CACHD1: variants seen among roughly 807,000 people sequenced by gnomAD.
CACHD1 encodes cache domain containing 1.
Under a neutral mutation model 138.7 loss-of-function variants are expected in CACHD1, and 71 were observed. The ratio of observed to expected loss-of-function variants is 0.51; its 90% CI spans 0.42 to 0.62. CACHD1 has a LOEUF of 0.62. Ranked by LOEUF, CACHD1 falls within the 20% of genes least tolerant of loss-of-function variation. The pLI, the probability that CACHD1 is intolerant of heterozygous loss-of-function variation, is 0.00. For synonymous variants in CACHD1, 578 were observed against 591.5 expected, an observed-to-expected ratio of 0.98 and a Z score of 0.33; for missense variants, 1,389 against 1,625.3, an observed-to-expected ratio of 0.85 and a Z score of 2.50.
At chr1:64,663,247 G>T (rs1350441178) in intron 13 of CACHD1, among the ~76,000 whole-genome samples, 1 of 146,874 alleles carries the variant, frequency 6.8e-6, no homozygotes, top group African/African-American at 2.5e-5. Flanking sequence ...GGGAGAGAAT[G>T]TGGCCCTTTA....
At chr1:64,548,321 C>G (rs1018257083) in intron 1 of CACHD1, among the ~76,000 whole-genome samples, 3 of 152,074 alleles carry the variant, frequency 2.0e-5, no homozygotes, top group Non-Finnish European at 2.9e-5. Flanking sequence ...ATATCACTGC[C>G]AGAAAGGAAA....
intron 24 of CACHD1, 51 bp downstream of exon 24, chr1:64,679,807 C>T (rs1650112895): frequency 1.3e-6 from 2 of 1,596,276 alleles, no homozygotes; most frequent in Admixed American, 1.7e-5. Flanking sequence ...GCTAGAAGGA[C>T]AGTGGCGGGT....
At chr1:64,483,683 A>G (rs964907263) in intron 1 of CACHD1, among the ~76,000 whole-genome samples, 1 of 114,620 alleles carries the variant, frequency 8.7e-6, no homozygotes, top group Non-Finnish European at 1.6e-5. Flanking sequence ...GTCTCTACCA[A>G]AAAAAAAAAA....
intron 2 of CACHD1, among the ~76,000 whole-genome samples, chr1:64,561,114 A>T (rs1369914123): frequency 6.6e-6 from 1 of 151,526 alleles, no homozygotes; most frequent in Non-Finnish European, 1.5e-5. Flanking sequence ...TGATTTTATT[A>T]TTAGGAATAT....
chr1:64,691,393 G>C lies in CACHD1; in HGVS notation c.3657G>C (p.Gly1219=). ...PPCNNDPLSA[G]VDVGNHDEDL... Reference sequence around the variant, plus strand: ...GCAACAATGACCCCTTGTCAGCCGGGGTCGATGTGGGAAACCATGATGAGG... The same window carrying C: ...GCAACAATGACCCCTTGTCAGCCGGCGTCGATGTGGGAAACCATGATGAGG... Residue 1219 remains glycine (G), a synonymous_variant, in exon 27 of 27, where the codon GGG becomes GGC. Transcript: ENST00000651257. 1 of 1,614,028 alleles carries C rather than the reference G, an allele frequency of 6.2e-7. No homozygotes were observed. The highest frequency in any genetic ancestry group is 2.2e-5 in the East Asian group (1 of 44,866).
At chr1:64,582,002 C>T (rs962211306) in intron 2 of CACHD1, among the ~76,000 whole-genome samples, 154 bp from the exon 3 acceptor site, 5 of 152,168 alleles carry the variant, frequency 3.3e-5, no homozygotes, top group Admixed American at 3.3e-4. Flanking sequence ...TTATCTCAAC[C>T]CACACAGGGG....
At chr1:64,619,184 G>A (rs1228688127) in intron 4 of CACHD1, among the ~76,000 whole-genome samples, 1 of 152,096 alleles carries the variant, frequency 6.6e-6, no homozygotes, top group Non-Finnish European at 1.5e-5. Flanking sequence ...AACGTCTGGG[G>A]GTCAGAGAAT....
Position 64,472,138 on chromosome 1 carries a change from G to A in CACHD1, c.198+1196G>A, listed in dbSNP as rs149216858. Reference sequence around the variant, plus strand: ...GACCACTCCTTCCACCTCCCACCGGGAGAGGTGTTTAAGTCACTTTTGGGA... The same window carrying A: ...GACCACTCCTTCCACCTCCCACCGGAAGAGGTGTTTAAGTCACTTTTGGGA... On this transcript the variant is annotated intron_variant, in intron 1 of 26. Transcript: ENST00000651257. Among the ~76,000 whole-genome samples, 581 of 152,086 alleles carry A rather than the reference G, an allele frequency of 3.8e-3. 4 individuals are homozygous for A. Among genetic ancestry groups the A allele is most frequent in the Middle Eastern group, 0.01 (3 of 294 alleles).
Position 64,681,550 on chromosome 1 carries a change from T to TG in CACHD1, c.3484+215_3484+216insG, listed in dbSNP as rs1557555815. Among the ~76,000 whole-genome samples the TG allele has an allele frequency of 3.6e-3, 417 of 115,182 alleles. 14 individuals carry two copies. Among genetic ancestry groups the TG allele is most frequent in the African/African-American group, 0.011 (402 of 36,710 alleles). 75.6% of individuals were successfully genotyped at this position (115,182 alleles called of 152,430 possible). ...CAAAAGATTTTATTGTGTTTTTTTT[T>TG]TTTTTTTTTTTTTTGCATTAAGTGT... On this transcript the variant is annotated intron_variant, in intron 25 of 26. Coordinates refer to ENST00000651257, the MANE Select transcript of CACHD1 (RefSeq NM_020925.4).
At position 64,673,261 on chromosome 1, in the gene CACHD1, T is replaced by G. The variant is rs759578725; in HGVS notation, c.2610+4T>G. 38 of 1,614,042 alleles carry G rather than the reference T, an allele frequency of 2.4e-5. 1 individual carries two copies. Among genetic ancestry groups the G allele is most frequent in the Admixed American group, 1.3e-4 (8 of 60,008 alleles). On this transcript the variant is annotated splice_donor_region_variant and intron_variant, in intron 18 of 26. Transcript: ENST00000651257. Reference sequence around the variant, plus strand: ...GCAGCAGCACATCACCCACAAGGTATTTGTCACAAAGCTGAGCTGCTCAGT... The same window carrying G: ...GCAGCAGCACATCACCCACAAGGTAGTTGTCACAAAGCTGAGCTGCTCAGT...
In CACHD1 at chr1:64,678,288, C is replaced by T. The variant is rs571150683; in HGVS notation, c.3222C>T (p.Tyr1074=). 3.5e-5 allele frequency: 56 copies of T among 1,587,360 alleles called. No homozygotes were observed. The highest frequency in any genetic ancestry group is 2.7e-4 in the Admixed American group (14 of 52,312). The change falls in exon 23 of 27, where the codon TAC becomes TAT. Residue 1074 remains tyrosine, a synonymous_variant. Coordinates refer to ENST00000651257, the MANE Select transcript of CACHD1 (RefSeq NM_020925.4). ...FGGIVGAKSP[Y]VDDMGAIGDE... ...GGATTGTGGGAGCCAAAAGTCCCTA[C>T]GTTGATGACATGGGAGCAATAGGTA...
In CACHD1 at chr1:64,598,258, A is replaced by C. The variant is rs572515525; in HGVS notation, c.411-4548A>C. 3.5e-4 allele frequency among the ~76,000 whole-genome samples: 53 copies of C among 152,238 alleles called. No individual in the cohort carries two copies. The Middle Eastern group carries it at 0.01, about 29-fold the overall frequency. ...AGCCCCTATTGACACCTCCTTCTTT[A>C]TCTGACCGGCACATCAGTGGTAGTG... On this transcript the variant is annotated intron_variant, in intron 3 of 26. Transcript: ENST00000651257.
intron 3 of CACHD1, among the ~76,000 whole-genome samples, chr1:64,585,129 TC>T (rs1647042027): frequency 6.6e-6 from 1 of 152,204 alleles, no homozygotes; most frequent in Non-Finnish European, 1.5e-5. Context: ...TTGTATCACA[TC>T]CATATATATG....
chr1:64,642,045 G>T (rs775687232), intron 8 of CACHD1, 76 bp downstream of exon 8: 39 of 1,313,200 alleles, frequency 3.0e-5, no homozygotes, highest in East Asian at 1.4e-4. Context: ...AGAAGAAAAA[G>T]AATCATAACA....
rs748819327 is a variant in CACHD1 at position 64,679,689 on chromosome 1, G to A, written c.3339G>A (p.Ala1113=). 18 of 1,614,026 alleles carry A rather than the reference G, an allele frequency of 1.1e-5. No individual in the cohort carries two copies. The highest frequency in any genetic ancestry group is 6.7e-5 in the Admixed American group (4 of 60,002). The change falls in exon 24 of 27, where the codon GCG becomes GCA. Residue 1113 remains alanine (A), a synonymous_variant. Transcript: ENST00000651257. ...IMGCIMVLVL[A]VYAYRHQIHR... ...GATGCATCATGGTCTTGGTCCTGGCGGTGTATGCCTACCGCCACCAGATTC... is the reference window on the plus strand; with the variant it reads ...GATGCATCATGGTCTTGGTCCTGGCAGTGTATGCCTACCGCCACCAGATTC...
intron 8 of CACHD1, among the ~76,000 whole-genome samples, chr1:64,646,456 T>G (rs1317250009): frequency 6.6e-6 from 1 of 152,178 alleles, no homozygotes; most frequent in Non-Finnish European, 1.5e-5. Flanking sequence ...TTGCCAGGCA[T>G]GGTGGCTGAC....
chr1:64,647,917 G>A lies in CACHD1; in HGVS notation c.1273G>A (p.Val425Met), dbSNP rs1185400555. Reference protein sequence around the residue: ...ALPVIKGSMMVLNQLSNLETT... With the variant: ...ALPVIKGSMMMLNQLSNLETT... Reference sequence around the variant, plus strand: ...GCCTGTGATTAAGGGCAGCATGATGGTGCTGAATCAGTTGAGCAACCTGGA... The same window carrying A: ...GCCTGTGATTAAGGGCAGCATGATGATGCTGAATCAGTTGAGCAACCTGGA... Residue 425 changes from valine to methionine, a missense_variant, in exon 9 of 27, where the codon GTG (valine) becomes ATG (methionine). Physicochemically the swap from Val to Met is conservative, Grantham distance 21. Transcript: ENST00000651257. 6.2e-7 allele frequency: 1 copy of A among 1,613,994 alleles called. No homozygotes were observed. The highest frequency in any genetic ancestry group is 1.3e-5 in the African/African-American group (1 of 74,924).
At chr1:64,574,867 C>A (rs528740607) in intron 2 of CACHD1, among the ~76,000 whole-genome samples, 1 of 152,216 alleles carries the variant, frequency 6.6e-6, no homozygotes, top group South Asian at 2.1e-4. Flanking sequence ...TGACTACAGC[C>A]CTCTGTGCCA....
At chr1:64,658,545 A>C (rs147623594) in intron 12 of CACHD1, among the ~76,000 whole-genome samples, 160 bp from the exon 13 acceptor site, 3 of 152,172 alleles carry the variant, frequency 2.0e-5, no homozygotes, top group Admixed American at 6.5e-5. Context: ...GATACCTTCT[A>C]TCACCCTATC....
Sources: gnomAD v4.1 joint callset for allele counts (sites outside exome capture counted in the v4.1 genomes callset) on GRCh38, gnomAD v4.1.1 for gene constraint, MANE v1.5 for transcripts, NCBI Gene and HGNC (gene_info 2026-07-23, HGNC 2026-07-21) for gene names.